Variants in NTM observed in about 807,000 individuals in gnomAD.
NTM encodes neurotrimin.
NTM carries 13 observed loss-of-function variants against 42.1 expected under a neutral mutation model. The observed-to-expected ratio is 0.31, with a 90% CI of 0.20 to 0.49. The LOEUF (loss-of-function observed/expected upper bound fraction) is 0.49. Ranked by LOEUF, NTM falls within the 20% of genes least tolerant of loss-of-function variation. The probability of loss-of-function intolerance (pLI) is 0.99; values close to 1 mark genes in which losing one functional copy is unlikely to be tolerated. For missense variants in NTM, 373 were observed against 452.8 expected (o/e 0.82, Z 1.60); for synonymous variants, 187 against 179.2 (o/e 1.04, Z -0.35).
At chr11:131,927,900 C>T (rs998131288) in intron 2 of NTM, among the ~76,000 whole-genome samples, 4 of 151,854 alleles carry the variant, frequency 2.6e-5, no homozygotes, top group African/African-American at 9.7e-5. Context: ...CATATATACT[C>T]AACTTATAAG....
At chr11:132,023,804 G>A (rs971993091) in intron 2 of NTM, among the ~76,000 whole-genome samples, 1 of 119,762 alleles carries the variant, frequency 8.3e-6, no homozygotes, top group East Asian at 2.0e-4. Flanking sequence ...TGTTGGTGGT[G>A]GTGGTTTTGT....
At chr11:131,671,605 G>A (rs1356042727) in intron 1 of NTM, 5 of 985,242 alleles carry the variant, frequency 5.1e-6, no homozygotes, top group Middle Eastern at 5.2e-4. Flanking sequence ...GCATATCTGC[G>A]ACTTGGCAGA....
rs539625979 is a variant in NTM, at chr11:131,462,064, A to G, written c.82+91176A>G. On this transcript the variant is annotated intron_variant, in intron 1 of 8. Coordinates refer to ENST00000683400, the MANE Select transcript of NTM (RefSeq NM_001352005.2). ...TGAGTGGGTAAAAAAAAACTGAAGA[A>G]CACCACACAGCAAAATACTACTCAG... 3.3e-5 allele frequency among the ~76,000 whole-genome samples: 5 copies of G among 152,318 alleles called. No individual in the cohort carries two copies. The South Asian group carries it at 1.0e-3, about 32-fold the overall frequency.
chr11:132,112,350 A>G lies in NTM; in HGVS notation c.168-33932A>G, dbSNP rs566809028. ...ATGTTTCACAGAAGGGTACAGCTCA[A>G]CTCTTAGGGGAAAAATTTCTAAGGA... is the stretch of plus-strand genomic sequence containing the variant. On this transcript the variant is annotated intron_variant, in intron 2 of 8. Coordinates refer to ENST00000683400, the MANE Select transcript of NTM (RefSeq NM_001352005.2). Among the ~76,000 whole-genome samples, 19 of 152,284 alleles carry G rather than the reference A, an allele frequency of 1.2e-4. No individual in the cohort carries two copies. In the South Asian group the frequency reaches 3.9e-3, roughly 32 times the overall value.
intron 1 of NTM, among the ~76,000 whole-genome samples, chr11:131,823,097 G>C (rs561385750): frequency 3.5e-4 from 54 of 152,246 alleles, no homozygotes; most frequent in African/African-American, 1.3e-3. Flanking sequence ...TTCCATAGAA[G>C]CACGTCTACG....
intron 1 of NTM, among the ~76,000 whole-genome samples, chr11:131,427,994 T>A (rs10750481): frequency 6.6e-6 from 1 of 151,970 alleles, no homozygotes; most frequent in Non-Finnish European, 1.5e-5. Context: ...CTTTATTACA[T>A]GACTTCTACT....
chr11:131,769,714 C>A, intron 1 of NTM: 1 of 278,160 alleles, frequency 3.6e-6, no homozygotes, highest in Non-Finnish European at 5.5e-6. Context: ...GGCGGCACAG[C>A]CAGTGACTTG....
At position 131,966,128 on chromosome 11, in the gene NTM, A is replaced by G. The variant is rs148436580; in HGVS notation, c.167+54480A>G. On this transcript the variant is annotated intron_variant, in intron 2 of 8. Transcript: ENST00000683400. ...ATAGAGTTTGCATTTGTGTGATAAAAAAATGACAAAAATTCACTCTAGCCA... is the reference window on the plus strand; with the variant it reads ...ATAGAGTTTGCATTTGTGTGATAAAGAAATGACAAAAATTCACTCTAGCCA... Among the ~76,000 whole-genome samples, 963 of 152,326 alleles carry G rather than the reference A, an allele frequency of 6.3e-3. 9 individuals are homozygous for G. Among genetic ancestry groups the G allele is most frequent in the African/African-American group, 0.022 (929 of 41,576 alleles).
intron 3 of NTM, among the ~76,000 whole-genome samples, chr11:132,173,889 G>A (rs1367533412): frequency 2.0e-5 from 3 of 152,168 alleles, no homozygotes; most frequent in African/African-American, 7.2e-5. Context: ...CTTCTTAAAA[G>A]TTGGACTGTC....
chr11:131,489,492 A>G (rs1328079420), intron 1 of NTM, among the ~76,000 whole-genome samples: 2 of 152,220 alleles, frequency 1.3e-5, no homozygotes, highest in Non-Finnish European at 2.9e-5. Flanking sequence ...GTAAAGCAAC[A>G]TCGCTATGAT....
At chr11:131,765,326 A>G (rs1036553990) in intron 1 of NTM, among the ~76,000 whole-genome samples, 1 of 152,132 alleles carries the variant, frequency 6.6e-6, no homozygotes, top group Non-Finnish European at 1.5e-5. Flanking sequence ...ACTTCTGCAT[A>G]TCAAACTCCC....
chr11:132,311,714 G>GTCA (rs1186181219), intron 6 of NTM, among the ~76,000 whole-genome samples: 2 of 152,226 alleles, frequency 1.3e-5, no homozygotes, highest in African/African-American at 4.8e-5. Context: ...TTAATGAAAA[G>GTCA]TCATCAGCTG....
chr11:131,492,953 C>A (rs372812286), intron 1 of NTM, among the ~76,000 whole-genome samples: 1 of 152,114 alleles, frequency 6.6e-6, no homozygotes, highest in African/African-American at 2.4e-5. Flanking sequence ...TGTGGTGGCT[C>A]ATGCCTGTAG....
At chr11:131,904,908 C>T (rs2053646682) in intron 1 of NTM, among the ~76,000 whole-genome samples, 1 of 152,194 alleles carries the variant, frequency 6.6e-6, no homozygotes, top group Non-Finnish European at 1.5e-5. Context: ...TACTTCCTCT[C>T]TGACTACATC....
intron 1 of NTM, among the ~76,000 whole-genome samples, chr11:131,840,557 T>A (rs901906426): frequency 1.3e-5 from 2 of 152,144 alleles, no homozygotes; most frequent in Non-Finnish European, 2.9e-5. Flanking sequence ...TCTGAAGAGA[T>A]GGATAGGACA....
intron 2 of NTM, among the ~76,000 whole-genome samples, chr11:131,963,742 A>G (rs1319121165): frequency 6.6e-6 from 1 of 152,222 alleles, no homozygotes; most frequent in African/African-American, 2.4e-5. Context: ...CAGACAAAAT[A>G]ATAATGATGA....
At chr11:131,518,942 C>T (rs1442646186) in intron 1 of NTM, among the ~76,000 whole-genome samples, 1 of 152,240 alleles carries the variant, frequency 6.6e-6, no homozygotes, top group Non-Finnish European at 1.5e-5. Flanking sequence ...CAGCATCCCA[C>T]AAATGTCCTG....
At chr11:132,079,210 C>T (rs1173502493) in intron 2 of NTM, among the ~76,000 whole-genome samples, 1 of 152,096 alleles carries the variant, frequency 6.6e-6, no homozygotes, top group African/African-American at 2.4e-5. Context: ...AATCAGTAGC[C>T]GACACTCATG....
In NTM at chr11:131,648,302, T is replaced by C. The variant is rs561277512; in HGVS notation, c.83-263262T>C. Among the ~76,000 whole-genome samples, 215 of 152,336 alleles carry C rather than the reference T, an allele frequency of 1.4e-3. 1 individual carries two copies. Among genetic ancestry groups the C allele is most frequent in the Admixed American group, 2.3e-3 (35 of 15,300 alleles). On this transcript the variant is annotated intron_variant, in intron 1 of 8. Transcript: ENST00000683400. Reference sequence around the variant, plus strand: ...ATTGTGAGTCATGCTGGAGTGAACATGCATGTGAATATGTCTTTATGATAG... The same window carrying C: ...ATTGTGAGTCATGCTGGAGTGAACACGCATGTGAATATGTCTTTATGATAG...
Sources: gnomAD v4.1 joint callset for allele counts (sites outside exome capture counted in the v4.1 genomes callset) on GRCh38, gnomAD v4.1.1 for gene constraint, MANE v1.5 for transcripts, NCBI Gene and HGNC (gene_info 2026-07-23, HGNC 2026-07-21) for gene names.